Variants in CSMD3 observed in about 807,000 individuals in gnomAD.
CSMD3 encodes CUB and sushi domain-containing protein 3.
CSMD3 carries 177 observed loss-of-function variants against 435.2 expected under a neutral mutation model. The observed-to-expected ratio is 0.41, with a 90% CI of 0.36 to 0.46. CSMD3 has a LOEUF of 0.46. Among genes scored for constraint, CSMD3 ranks in the 20% least tolerant of loss-of-function variants. CSMD3 has a pLI of 0.34. For synonymous variants in CSMD3, 1,656 were observed against 1,520.5 expected (o/e 1.09, Z -2.07); for missense variants, 4,265 against 4,504.6 (o/e 0.95, Z 1.52).
chr8:113,029,295 T>C (rs573736024), intron 5 of CSMD3, among the ~76,000 whole-genome samples: 12 of 151,472 alleles, frequency 7.9e-5, no homozygotes, highest in African/African-American at 2.9e-4. Flanking sequence ...ATCACCCTAA[T>C]ACCAAAACCA....
intron 9 of CSMD3, among the ~76,000 whole-genome samples, chr8:112,943,380 G>C (rs1394723477): frequency 6.6e-6 from 1 of 151,322 alleles, no homozygotes; most frequent in Non-Finnish European, 1.5e-5. Flanking sequence ...GGTGTTTTAT[G>C]AAATAACTGA....
intron 1 of CSMD3, among the ~76,000 whole-genome samples, chr8:113,395,311 A>T (rs1299773268): frequency 6.6e-6 from 1 of 152,136 alleles, no homozygotes; most frequent in Admixed American, 6.6e-5. Context: ...CAAAATTTAA[A>T]AATTGGAAAT....
At chr8:112,358,593 G>A (rs112063129) in intron 38 of CSMD3, among the ~76,000 whole-genome samples, 2,315 of 152,170 alleles carry the variant, frequency 0.015, 19 homozygotes, top group Non-Finnish European at 0.022. Flanking sequence ...AAGATCTGAC[G>A]GTCTTTAAAA....
rs559701832 is a variant in CSMD3, at chr8:113,038,952, G to T, written c.918-19773C>A. Reference sequence around the variant, plus strand: ...TAATAACTATTAACATGACAAATGGGGAATGAGTCTCTGTACCATATTTCA... The same window carrying T: ...TAATAACTATTAACATGACAAATGGTGAATGAGTCTCTGTACCATATTTCA... On this transcript the variant is annotated intron_variant, in intron 5 of 70. Coordinates refer to ENST00000297405, the MANE Select transcript of CSMD3 (RefSeq NM_198123.2). 3.3e-5 allele frequency among the ~76,000 whole-genome samples: 5 copies of T among 152,114 alleles called. No individual in the cohort carries two copies. In the South Asian group the frequency reaches 8.3e-4, roughly 25 times the overall value.
intron 27 of CSMD3, among the ~76,000 whole-genome samples, chr8:112,539,871 C>T (rs118182402): frequency 4.1e-4 from 62 of 152,048 alleles, no homozygotes; most frequent in East Asian, 3.7e-3. Context: ...CCTCAAAATA[C>T]AGGCAACACA....
At chr8:113,369,121 G>A (rs1483883268) in intron 1 of CSMD3, among the ~76,000 whole-genome samples, 2 of 151,904 alleles carry the variant, frequency 1.3e-5, no homozygotes, top group Non-Finnish European at 2.9e-5. Flanking sequence ...CTTTATTATA[G>A]TAAATCTCTA....
At chr8:112,883,168 C>T (rs1202249033) in intron 10 of CSMD3, among the ~76,000 whole-genome samples, 1 of 151,904 alleles carries the variant, frequency 6.6e-6, no homozygotes, top group Non-Finnish European at 1.5e-5. Context: ...TTTGCCCGAT[C>T]TTCCAATTTT....
At chr8:112,352,214 T>A (rs1826192496) in intron 39 of CSMD3, among the ~76,000 whole-genome samples, 1 of 152,158 alleles carries the variant, frequency 6.6e-6, no homozygotes, top group Admixed American at 6.5e-5. Flanking sequence ...AAATCAGTTT[T>A]GTTTACTTCC....
At chr8:112,713,546 C>G (rs1174081465) in intron 13 of CSMD3, among the ~76,000 whole-genome samples, 1 of 151,932 alleles carries the variant, frequency 6.6e-6, no homozygotes, top group Non-Finnish European at 1.5e-5. Context: ...GCAAGAGAGG[C>G]TAACATTCAA....
rs1339810578 is a variant in CSMD3, at chr8:113,087,825, A to G, written c.917+10931T>C. Among the ~76,000 whole-genome samples the G allele has an allele frequency of 2.0e-5, 3 of 152,340 alleles. No individual in the cohort carries two copies. The East Asian group carries it at 5.8e-4, about 29-fold the overall frequency. ...AGGGACTTCATGTCTAAAACACCAAAAGCAATGGCAACAAAAGCCAAAATT... is the reference window on the plus strand; with the variant it reads ...AGGGACTTCATGTCTAAAACACCAAGAGCAATGGCAACAAAAGCCAAAATT... On this transcript the variant is annotated intron_variant, in intron 5 of 70. Coordinates refer to ENST00000297405, the MANE Select transcript of CSMD3 (RefSeq NM_198123.2).
chr8:113,080,573 AT>A, intron 5 of CSMD3, among the ~76,000 whole-genome samples: 1 of 152,176 alleles, frequency 6.6e-6, no homozygotes, highest in Non-Finnish European at 1.5e-5. Context: ...TGTGTGCAAA[AT>A]ATAATGGAAA....
chr8:112,824,765 T>A (rs1337006214), intron 12 of CSMD3, among the ~76,000 whole-genome samples: 2 of 152,042 alleles, frequency 1.3e-5, no homozygotes, highest in Non-Finnish European at 2.9e-5. Context: ...CCTTGGGGAA[T>A]CTGATGATTT....
At chr8:113,266,181 T>TAAAAAA (rs34809876) in intron 3 of CSMD3, among the ~76,000 whole-genome samples, 2 of 131,814 alleles carry the variant, frequency 1.5e-5, no homozygotes. Context: ...CCCCTAAACT[T>TAAAAAA]AAAAAAAAAA....
chr8:113,128,403 G>A (rs1425191538), intron 4 of CSMD3, among the ~76,000 whole-genome samples: 1 of 151,828 alleles, frequency 6.6e-6, no homozygotes. Context: ...AAAATTTTAT[G>A]ACCATCTCAT....
chr8:112,530,408 A>G (rs930166616), intron 27 of CSMD3, among the ~76,000 whole-genome samples: 2 of 152,190 alleles, frequency 1.3e-5, no homozygotes, highest in Non-Finnish European at 2.9e-5. Context: ...TTGAAAGCAG[A>G]AAGAGAAGAA....
chr8:113,125,354 A>T (rs2091096352), intron 4 of CSMD3, among the ~76,000 whole-genome samples: 5 of 152,020 alleles, frequency 3.3e-5, no homozygotes, highest in Admixed American at 3.3e-4. Context: ...CTAGCTACAC[A>T]TTTCTTGAGA....
rs1178614089 is a variant in CSMD3, at chr8:113,385,318, G to C, written c.178+51359C>G. ...ATAAGAAAAATAAATGAGCATTCCG[G>C]ACAAATAAAAACCACAATCATTCAC... is the stretch of plus-strand genomic sequence containing the variant. On this transcript the variant is annotated intron_variant, in intron 1 of 70. Coordinates refer to ENST00000297405, the MANE Select transcript of CSMD3 (RefSeq NM_198123.2). Among the ~76,000 whole-genome samples the C allele has an allele frequency of 2.0e-5, 3 of 151,902 alleles. No homozygotes were observed. The East Asian group carries it at 5.8e-4, about 29-fold the overall frequency.
Position 112,472,189 on chromosome 8 carries a change from T to A in CSMD3, c.5395+402A>T, listed in dbSNP as rs191118299. On this transcript the variant is annotated intron_variant, in intron 32 of 70. Transcript: ENST00000297405. ...GTGTTAATAAACTATAAAATTGATA[T>A]GATTGCTTTGTAAATACTTTTGTTA... is the stretch of plus-strand genomic sequence containing the variant. 2.5e-3 allele frequency among the ~76,000 whole-genome samples: 383 copies of A among 152,328 alleles called. 3 individuals carry two copies. Among genetic ancestry groups the A allele is most frequent in the African/African-American group, 8.5e-3 (355 of 41,582 alleles).
chr8:112,985,837 A>G (rs1028438685), intron 6 of CSMD3, among the ~76,000 whole-genome samples: 2 of 152,178 alleles, frequency 1.3e-5, no homozygotes, highest in Non-Finnish European at 2.9e-5. Context: ...CCTCATTGCA[A>G]GAAAACAAGG....
Sources: gnomAD v4.1 joint callset for allele counts (sites outside exome capture counted in the v4.1 genomes callset) on GRCh38, gnomAD v4.1.1 for gene constraint, MANE v1.5 for transcripts, NCBI Gene and HGNC (gene_info 2026-07-23, HGNC 2026-07-21) for gene names.